The following SENP1 variants were observed in gnomAD, a reference collection of about 807,000 sequenced individuals.
SENP1 encodes the protein SUMO specific peptidase 1, also known as sentrin-specific protease 1.
Under a neutral mutation model 93.0 loss-of-function variants are expected in SENP1, and 21 were observed. That is an observed-to-expected ratio of 0.23 (90% CI 0.16 to 0.33). The LOEUF (loss-of-function observed/expected upper bound fraction) is 0.33. Among genes scored for constraint, SENP1 ranks in the 10% least tolerant of loss-of-function variants. The pLI is 1.00. For synonymous variants in SENP1, 256 were observed against 259.6 expected (o/e 0.99, Z 0.13); for missense variants, 591 against 758.7 (o/e 0.78, Z 2.60).
intron 13 of SENP1, among the ~76,000 whole-genome samples, chr12:48,061,487 A>G (rs1430281023): frequency 1.3e-5 from 2 of 152,174 alleles, no homozygotes; most frequent in Non-Finnish European, 2.9e-5. Context: ...AGCTCACTAT[A>G]AACTCAAACT....
chr12:48,045,429 A>G (rs915325554), intron 17 of SENP1, 45 bp from the exon 18 acceptor site: 1 of 1,526,066 alleles, frequency 6.6e-7, no homozygotes, highest in Non-Finnish European at 9.1e-7. Flanking sequence ...GCTTTTGTCT[A>G]GACCTGATAC....
At chr12:48,066,900 G>A in intron 10 of SENP1, 27 bp downstream of exon 10, 1 of 1,508,218 alleles carries the variant, frequency 6.6e-7, no homozygotes, top group Non-Finnish European at 9.0e-7. Context: ...TGATTGAGAA[G>A]GAAAAATGAT....
rs988722445 is a variant in SENP1 at position 48,101,780 on chromosome 12, T to C, written c.-44-264A>G. On this transcript the variant is annotated intron_variant, in intron 1 of 17. Coordinates refer to ENST00000549518, the MANE Select transcript of SENP1 (RefSeq NM_001267594.2). ...ACAGAATATTAAAGCAAGAAGCAAATTGGGAGCGCCAACCCTTAAGAGACT... is the reference window on the plus strand; with the variant it reads ...ACAGAATATTAAAGCAAGAAGCAAACTGGGAGCGCCAACCCTTAAGAGACT... Among the ~76,000 whole-genome samples, 24 of 152,272 alleles carry C rather than the reference T, an allele frequency of 1.6e-4. 2 individuals carry two copies. The highest frequency in any genetic ancestry group is 7.2e-4 in the Admixed American group (11 of 15,298).
chr12:48,085,380 CG>C lies in SENP1; in HGVS notation c.381-1619del, dbSNP rs1034065576. On this transcript the variant is annotated intron_variant, in intron 5 of 17. Coordinates refer to ENST00000549518, the MANE Select transcript of SENP1 (RefSeq NM_001267594.2). ...TGAGGACGCCAAGGACTCCACCCTG[CG>C]GAGGGCCAGGGGCATGTTCACTGCC... is the stretch of plus-strand genomic sequence containing the variant. 2.2e-6 allele frequency: 3 copies of C among 1,334,794 alleles called. No homozygotes were observed. The African/African-American group carries it at 4.3e-5, about 19-fold the overall frequency. 82.7% of individuals were successfully genotyped at this position (1,334,794 alleles called of 1,614,324 possible). A position where few individuals can be genotyped will look rare whatever the true frequency, so the allele number is the denominator to read the frequency against.
intron 13 of SENP1, chr12:48,055,495 T>A (rs1197097069): frequency 6.6e-6 from 1 of 152,226 alleles, no homozygotes; most frequent in African/African-American, 2.4e-5. Flanking sequence ...GGCCATTGCA[T>A]GCCTTTTTCC....
In SENP1 at chr12:48,101,534, A is replaced by G; in HGVS notation, c.-44-18T>C. The G allele has an allele frequency of 7.2e-7, 1 of 1,398,104 alleles. No homozygotes were observed. The highest frequency in any genetic ancestry group is 1.0e-6 in the Non-Finnish European group (1 of 1,000,488). The allele number at this position is 1,398,104 out of a possible 1,614,324, so 86.6% of individuals were successfully genotyped here. On this transcript the variant is annotated intron_variant, in intron 1 of 17. Coordinates refer to ENST00000549518, the MANE Select transcript of SENP1 (RefSeq NM_001267594.2). ...ACAAAGTCCTATAAAAGAAGACACA[A>G]AACAGAAAAATTACATACTGAAACA...
chr12:48,051,021 T>C (rs1403746149), intron 13 of SENP1, among the ~76,000 whole-genome samples: 1 of 148,978 alleles, frequency 6.7e-6, no homozygotes, highest in Non-Finnish European at 1.5e-5. Flanking sequence ...ATGACAGCCA[T>C]GGAAATACAT....
intron 13 of SENP1, among the ~76,000 whole-genome samples, chr12:48,056,607 A>G (rs1405044686): frequency 3.3e-5 from 2 of 60,028 alleles, no homozygotes; most frequent in African/African-American, 8.9e-5. Flanking sequence ...ATTATTTAAT[A>G]TATTACATAT....
At chr12:48,103,419 G>A (rs1358120847) in intron 1 of SENP1, among the ~76,000 whole-genome samples, 1 of 152,114 alleles carries the variant, frequency 6.6e-6, no homozygotes, top group Non-Finnish European at 1.5e-5. Flanking sequence ...AATACACACT[G>A]GCAATTTAAA....
Position 48,045,384 on chromosome 12 carries a change from G to C in SENP1, c.1873C>G (p.Gln625Glu), listed in dbSNP as rs1941287404. 6.2e-7 allele frequency: 1 copy of C among 1,612,878 alleles called. No individual in the cohort carries two copies. The highest frequency in any genetic ancestry group is 8.5e-7 in the Non-Finnish European group (1 of 1,179,106). Residue 625 changes from glutamine (Q) to glutamate (E), a missense_variant and splice_region_variant, in exon 18 of 18, where the codon CAA (glutamine) becomes GAA (glutamate). Physicochemically the swap from Gln to Glu is conservative, Grantham distance 29. Transcript: ENST00000549518. Reference sequence around the variant, plus strand: ...CGCTTCCGGAAGTATGGCATGTGTTGCTGTAGGGACACAGAGACACCCTTA... The same window carrying C: ...CGCTTCCGGAAGTATGGCATGTGTTCCTGTAGGGACACAGAGACACCCTTA... ...TKDRPINFTQQHMPYFRKRMV... is the reference protein window; with the variant it reads ...TKDRPINFTQEHMPYFRKRMV...
chr12:48,062,885 A>T (rs1460849415), intron 13 of SENP1, among the ~76,000 whole-genome samples: 1 of 152,230 alleles, frequency 6.6e-6, no homozygotes, highest in Non-Finnish European at 1.5e-5. Flanking sequence ...TGATCATACA[A>T]AAACAGGATA....
intron 13 of SENP1, among the ~76,000 whole-genome samples, chr12:48,062,479 T>A (rs1428721442): frequency 1.3e-5 from 2 of 152,234 alleles, no homozygotes; most frequent in Non-Finnish European, 2.9e-5. Flanking sequence ...CAGGGAGTGA[T>A]GAGCTTCTGA....
At chr12:48,050,254 G>A (rs186498224) in intron 13 of SENP1, among the ~76,000 whole-genome samples, 2 of 152,274 alleles carry the variant, frequency 1.3e-5, no homozygotes, top group East Asian at 3.9e-4. Flanking sequence ...CCTGTTCTTT[G>A]ACAAATATTT....
chr12:48,086,474 A>T (rs1944868190), intron 5 of SENP1, among the ~76,000 whole-genome samples: 1 of 152,232 alleles, frequency 6.6e-6, no homozygotes, highest in Non-Finnish European at 1.5e-5. Flanking sequence ...CATTCAAGTC[A>T]CACGGGAAAA....
In SENP1 at chr12:48,044,789, G is replaced by A. The variant is rs541239430; in HGVS notation, c.*533C>T. ...GTCCTGGAGGAAGGGACTTATGCCT[G>A]GGCCCCAAAGTCCAGTTTACAGTCA... is the stretch of plus-strand genomic sequence containing the variant. On this transcript the variant is annotated 3_prime_UTR_variant, in exon 18 of 18. Transcript: ENST00000549518. 6.4e-6 allele frequency: 1 copy of A among 155,584 alleles called. No homozygotes were observed. Among genetic ancestry groups the A allele is most frequent in the African/African-American group, 2.4e-5 (1 of 41,558 alleles). The allele number at this position is 155,584 out of a possible 1,614,324, so 9.6% of individuals were successfully genotyped here.
At chr12:48,072,916 G>A (rs766954574) in intron 8 of SENP1, among the ~76,000 whole-genome samples, 10 of 151,884 alleles carry the variant, frequency 6.6e-5, no homozygotes, top group Non-Finnish European at 1.0e-4. Flanking sequence ...ACAGATAAGG[G>A]GGAACTACTG....
At chr12:48,104,240 G>T (rs374589255) in intron 1 of SENP1, among the ~76,000 whole-genome samples, 40,775 of 75,830 alleles carry the variant, frequency 0.54, 11,124 homozygotes, top group East Asian at 0.74. Flanking sequence ...TATATAGAGA[G>T]AGAGAGAGAG....
chr12:48,092,382 A>G (rs1387058059), intron 4 of SENP1, among the ~76,000 whole-genome samples: 2 of 152,244 alleles, frequency 1.3e-5, no homozygotes, highest in African/African-American at 4.8e-5. Context: ...GGAAAGAGGA[A>G]GAAGTTTTTT....
Position 48,089,034 on chromosome 12 carries a change from A to C in SENP1, c.221-74T>G. The C allele has an allele frequency of 3.3e-6, 5 of 1,538,092 alleles. No homozygotes were observed. The South Asian group carries it at 3.6e-5, about 11-fold the overall frequency. ...CTCCTTATGACTGCAACCATGACCAACCATTGTATTCCAAAGTAATGTGGC... is the reference window on the plus strand; with the variant it reads ...CTCCTTATGACTGCAACCATGACCACCCATTGTATTCCAAAGTAATGTGGC... On this transcript the variant is annotated intron_variant, in intron 4 of 17. Coordinates refer to ENST00000549518, the MANE Select transcript of SENP1 (RefSeq NM_001267594.2).
Sources: allele counts gnomAD v4.1 joint callset (sites outside exome capture counted in the v4.1 genomes callset), GRCh38; gene constraint gnomAD v4.1.1; transcripts MANE v1.5; gene names NCBI Gene and HGNC (gene_info 2026-07-23, HGNC 2026-07-21).